RBFOX1: variants seen among roughly 807,000 people sequenced by gnomAD.
The protein encoded by RBFOX1 is RNA binding protein fox-1 homolog 1.
Under a neutral mutation model 57.7 loss-of-function variants are expected in RBFOX1, and 8 were observed. The observed-to-expected ratio is 0.14, with a 90% confidence interval of 0.08 to 0.25. RBFOX1 has a LOEUF of 0.25. Ranked by LOEUF, RBFOX1 falls within the 10% of genes least tolerant of loss-of-function variation. The probability of loss-of-function intolerance (pLI) is 1.00; values close to 1 mark genes in which losing one functional copy is unlikely to be tolerated. For missense variants in RBFOX1, 611 were observed against 548.5 expected (o/e 1.11, Z -1.14); for synonymous variants, 326 against 222.4 (o/e 1.47, Z -4.15).
chr16:6,947,738 C>A (rs566099594), intron 3 of RBFOX1, among the ~76,000 whole-genome samples: 1 of 152,240 alleles, frequency 6.6e-6, no homozygotes, highest in South Asian at 2.1e-4. Flanking sequence ...ACTTAGGTGG[C>A]TTTCTTTTTT....
At chr16:5,992,738 G>A (rs772553025) in intron 4 of RBFOX1, among the ~76,000 whole-genome samples, 6 of 152,122 alleles carry the variant, frequency 3.9e-5, no homozygotes, top group Non-Finnish European at 7.3e-5. Flanking sequence ...GTTCAAGACC[G>A]GCCTGGCCAA....
At chr16:6,725,867 A>T (rs1164221703) in intron 3 of RBFOX1, among the ~76,000 whole-genome samples, 2 of 152,110 alleles carry the variant, frequency 1.3e-5, no homozygotes, top group Non-Finnish European at 2.9e-5. Context: ...AGTGTTTCTC[A>T]TTTGATTTAT....
At chr16:5,273,486 C>T (rs184318229) in intron 1 of RBFOX1, among the ~76,000 whole-genome samples, 95 of 152,234 alleles carry the variant, frequency 6.2e-4, no homozygotes, top group Non-Finnish European at 1.1e-3. Context: ...TCTCAGATGC[C>T]CTTGCATCAC....
At chr16:7,395,161 A>AT (rs5815400) in intron 4 of RBFOX1, among the ~76,000 whole-genome samples, 17,767 of 144,170 alleles carry the variant, frequency 0.12, 1,288 homozygotes, top group African/African-American at 0.22. Context: ...CCAAGTGTGG[A>AT]TTTTTTTTTT....
At chr16:6,248,712 T>C (rs1170080584) in intron 1 of RBFOX1, among the ~76,000 whole-genome samples, 1 of 152,026 alleles carries the variant, frequency 6.6e-6, no homozygotes, top group Admixed American at 6.6e-5. Flanking sequence ...TAAGTATGGG[T>C]TTTATAATTG....
At chr16:6,214,063 A>G (rs2097315412) in intron 1 of RBFOX1, among the ~76,000 whole-genome samples, 1 of 152,068 alleles carries the variant, frequency 6.6e-6, no homozygotes, top group Non-Finnish European at 1.5e-5. Flanking sequence ...CATCTCTCAT[A>G]CTCAAATAAG....
intron 1 of RBFOX1, among the ~76,000 whole-genome samples, chr16:6,227,610 G>A (rs2097427856): frequency 6.6e-6 from 1 of 152,126 alleles, no homozygotes; most frequent in Admixed American, 6.5e-5. Context: ...TTGCCTGGAA[G>A]AAGTATGCTG....
At chr16:6,912,624 A>G (rs1458274838) in intron 3 of RBFOX1, among the ~76,000 whole-genome samples, 1 of 146,596 alleles carries the variant, frequency 6.8e-6, no homozygotes, top group African/African-American at 2.5e-5. Context: ...TGTTATTACT[A>G]TTTTTTTTTT....
chr16:5,591,896 C>A (rs2047020158), intron 2 of RBFOX1, among the ~76,000 whole-genome samples: 1 of 152,196 alleles, frequency 6.6e-6, no homozygotes, highest in South Asian at 2.1e-4. Flanking sequence ...AAAATGGAAT[C>A]CCTAGTCCGA....
intron 3 of RBFOX1, among the ~76,000 whole-genome samples, chr16:5,606,340 C>T (rs144652244): frequency 6.6e-6 from 1 of 152,040 alleles, no homozygotes; most frequent in African/African-American, 2.4e-5. Flanking sequence ...ATCTGACCAT[C>T]CAAATTCCTA....
chr16:6,666,552 AAAAAAAC>A (rs2098734212), intron 3 of RBFOX1, among the ~76,000 whole-genome samples: 1 of 151,038 alleles, frequency 6.6e-6, no homozygotes, highest in African/African-American at 2.4e-5. Context: ...AAAAAAAAAA[AAAAAAAC>A]AAATCATGTC....
intron 2 of RBFOX1, among the ~76,000 whole-genome samples, chr16:5,501,049 T>G (rs2043176938): frequency 1.3e-5 from 2 of 152,074 alleles, no homozygotes; most frequent in South Asian, 2.1e-4. Flanking sequence ...GGCGCGGTGT[T>G]TCACCCCTGT....
At chr16:6,702,237 C>T (rs1269036243) in intron 3 of RBFOX1, among the ~76,000 whole-genome samples, 1 of 152,174 alleles carries the variant, frequency 6.6e-6, no homozygotes, top group Non-Finnish European at 1.5e-5. Flanking sequence ...CACATTTCAA[C>T]ATGAGATATG....
chr16:6,936,130 A>C (rs1227339441), intron 3 of RBFOX1, among the ~76,000 whole-genome samples: 1 of 152,166 alleles, frequency 6.6e-6, no homozygotes, highest in African/African-American at 2.4e-5. Context: ...CAGCTTCTGT[A>C]CACTTGATGG....
intron 3 of RBFOX1, among the ~76,000 whole-genome samples, chr16:6,742,035 C>T (rs1182014282): frequency 6.6e-6 from 1 of 152,094 alleles, no homozygotes; most frequent in Non-Finnish European, 1.5e-5. Context: ...TGCATATGTT[C>T]ATTAACTTGA....
chr16:5,424,950 TCCTTTGTTTCTTTC>T lies in RBFOX1; in HGVS notation c.220-42265_220-42252del, dbSNP rs1567490274. On this transcript the variant is annotated intron_variant, in intron 1 of 2. Transcript: ENST00000585867. Reference sequence around the variant, plus strand: ...TTCTTTCTTTCTCTCTCTTCTTTCTTCCTTTGTTTCTTTCTCTTTCTTTCTTTCTTTTCTTTTCT... The same window carrying T: ...TTCTTTCTTTCTCTCTCTTCTTTCTTTCTTTCTTTCTTTCTTTTCTTTTCT... Among the ~76,000 whole-genome samples, 84 of 70,264 alleles carry T rather than the reference TCCTTTGTTTCTTTC, an allele frequency of 1.2e-3. 1 individual carries two copies. Among genetic ancestry groups the T allele is most frequent in the African/African-American group, 3.5e-3 (65 of 18,438 alleles). 46.1% of individuals were successfully genotyped at this position (70,264 alleles called of 152,430 possible). A position where few individuals can be genotyped will look rare whatever the true frequency, so the allele number is the denominator to read the frequency against.
At chr16:6,363,940 AAAAAG>A (rs1281834653) in intron 2 of RBFOX1, among the ~76,000 whole-genome samples, 1 of 152,252 alleles carries the variant, frequency 6.6e-6, no homozygotes, top group African/African-American at 2.4e-5. Context: ...ATCGTACAAT[AAAAAG>A]AAAATATAAA....
At chr16:5,799,135 T>G (rs1302955145) in intron 3 of RBFOX1, among the ~76,000 whole-genome samples, 1 of 152,062 alleles carries the variant, frequency 6.6e-6, no homozygotes, top group African/African-American at 2.4e-5. Flanking sequence ...AAGGCACATC[T>G]TACATGGCAG....
Position 5,399,092 on chromosome 16 carries a change from C to T in RBFOX1, c.220-68124C>T, listed in dbSNP as rs945115810. 1.3e-3 allele frequency among the ~76,000 whole-genome samples: 192 copies of T among 152,262 alleles called. 2 individuals carry two copies. The highest frequency in any genetic ancestry group is 4.5e-3 in the African/African-American group (186 of 41,550). On this transcript the variant is annotated intron_variant, in intron 1 of 2. Coordinates refer to the RBFOX1 transcript ENST00000585867. ...GTGATTGGTGAGAACACATGGCTTT[C>T]GACTTAAATCTATTCTCAGAGGACT...
Sources: allele counts gnomAD v4.1 joint callset (sites outside exome capture counted in the v4.1 genomes callset), GRCh38; gene constraint gnomAD v4.1.1; transcripts MANE v1.5; gene names NCBI Gene and HGNC (gene_info 2026-07-23, HGNC 2026-07-21).